Variants in CASD1 observed in about 807,000 individuals in gnomAD.
The protein encoded by CASD1 is CAS1 domain sialic acid O acetyltransferase 1.
A neutral mutation model predicts 100.0 loss-of-function variants in CASD1; 41 were observed. The ratio of observed to expected loss-of-function variants is 0.41; its 90% CI spans 0.32 to 0.53. The LOEUF is 0.53. Among genes scored for constraint, CASD1 ranks in the 20% least tolerant of loss-of-function variants. CASD1 has a pLI of 0.25. For missense variants in CASD1, 774 were observed against 948.7 expected, an observed-to-expected ratio of 0.82 and a Z score of 2.42; for synonymous variants, 321 against 315.6, an observed-to-expected ratio of 1.02 and a Z score of -0.18.
chr7:94,583,992 G>C, the CASD1 span, among the ~76,000 whole-genome samples: 1 of 152,088 alleles, frequency 6.6e-6, no homozygotes, highest in African/African-American at 2.4e-5. Context: ...TTTTCACGGG[G>C]AACTGCAGCG....
At chr7:94,555,231 G>T (rs1796146538) in intron 17 of CASD1, among the ~76,000 whole-genome samples, 1 of 151,960 alleles carries the variant, frequency 6.6e-6, no homozygotes, top group Admixed American at 6.6e-5. Flanking sequence ...TTAAAATAGG[G>T]AAAATAAATT....
rs78187752 is a variant in CASD1 at position 94,529,703 on chromosome 7, A to G, written c.459+1453A>G. ...AGTCTCAGCCCTCAAGGAATTTGCA[A>G]TCTAGTAGATGGTGAATTACTGATG... On this transcript the variant is annotated intron_variant, in intron 5 of 17. Transcript: ENST00000297273. 3.9e-4 allele frequency among the ~76,000 whole-genome samples: 59 copies of G among 152,306 alleles called. 1 individual carries two copies. In the East Asian group the frequency reaches 0.01, roughly 26 times the overall value.
At chr7:94,514,271 G>T (rs1793864818) in intron 1 of CASD1, among the ~76,000 whole-genome samples, 2 of 152,056 alleles carry the variant, frequency 1.3e-5, no homozygotes, top group South Asian at 4.1e-4. Flanking sequence ...CTGTTAGAAA[G>T]ATCCTGATCT....
intron 1 of CASD1, among the ~76,000 whole-genome samples, chr7:94,515,853 T>G (rs780684887): frequency 2.0e-5 from 3 of 152,168 alleles, no homozygotes; most frequent in Non-Finnish European, 4.4e-5. Flanking sequence ...AACTTTTAAC[T>G]TGGTTTAATA....
chr7:94,613,237 C>G, the CASD1 span, among the ~76,000 whole-genome samples: 1 of 152,164 alleles, frequency 6.6e-6, no homozygotes, highest in Non-Finnish European at 1.5e-5. Flanking sequence ...TTTGAACACA[C>G]TGGCTTTTAA....
chr7:94,523,856 A>G (rs1366427223), intron 3 of CASD1, among the ~76,000 whole-genome samples: 1 of 152,216 alleles, frequency 6.6e-6, no homozygotes. Flanking sequence ...CAAAGAAACC[A>G]TTAGAATAGA....
rs778912322 is a variant in CASD1, at chr7:94,551,438, T to C, written c.1916T>C (p.Ile639Thr). 5.2e-6 allele frequency: 8 copies of C among 1,531,780 alleles called. No individual in the cohort carries two copies. The highest frequency in any genetic ancestry group is 2.6e-5 in the South Asian group (2 of 75,722). The allele number at this position is 1,531,780 out of a possible 1,614,324, so 94.9% of individuals were successfully genotyped here. The change falls in exon 15 of 18, where the codon ATT (isoleucine) becomes ACT (threonine). Residue 639 changes from isoleucine (I) to threonine (T), a missense_variant. Ile to Thr is a moderately conservative substitution (Grantham distance 89). Transcript: ENST00000297273. Reference protein sequence around the residue: ...GKGEPLFSNKISNFLLFISVV... With the variant: ...GKGEPLFSNKTSNFLLFISVV... ...GGTGAACCTCTTTTTTCAAACAAAATTTCAAATTTTCTGTTGTTTATTTCA... is the reference window on the plus strand; with the variant it reads ...GGTGAACCTCTTTTTTCAAACAAAACTTCAAATTTTCTGTTGTTTATTTCA...
chr7:94,629,244 A>C, the CASD1 span: 1 of 154,576 alleles, frequency 6.5e-6, no homozygotes, highest in Non-Finnish European at 1.4e-5. Context: ...AATTGGTATC[A>C]CTTAAAAGGA....
At chr7:94,527,254 T>C (rs1198801284) in intron 4 of CASD1, 48 bp downstream of exon 4, 5 of 1,328,148 alleles carry the variant, frequency 3.8e-6, no homozygotes, top group Non-Finnish European at 5.4e-6. Context: ...TGAAACTATA[T>C]TCATTGGTTA....
At chr7:94,627,048 A>G in the CASD1 span, 1 of 152,066 alleles carries the variant, frequency 6.6e-6, no homozygotes, top group Admixed American at 6.6e-5. Context: ...ATTTGACAAT[A>G]GCTCAAACTA....
chr7:94,608,079 C>A, the CASD1 span, among the ~76,000 whole-genome samples: 5 of 152,180 alleles, frequency 3.3e-5, no homozygotes, highest in Non-Finnish European at 2.9e-5. Context: ...TGTGATGGCT[C>A]ACACCTGTAA....
chr7:94,585,456 A>G, the CASD1 span: 5 of 1,571,986 alleles, frequency 3.2e-6, no homozygotes, highest in Non-Finnish European at 3.5e-6. Flanking sequence ...TAACTGCTAT[A>G]TTGTCTGATT....
chr7:94,625,144 C>A, the CASD1 span: 1 of 151,816 alleles, frequency 6.6e-6, no homozygotes, highest in Non-Finnish European at 1.5e-5. Flanking sequence ...TAAAACAGAG[C>A]TGATCTATTT....
At chr7:94,626,456 T>C in the CASD1 span, 2 of 152,020 alleles carry the variant, frequency 1.3e-5, no homozygotes, top group Non-Finnish European at 2.9e-5. Flanking sequence ...TATATTCTGT[T>C]AGATTTATTC....
intron 5 of CASD1, among the ~76,000 whole-genome samples, chr7:94,530,125 A>G (rs757987790): frequency 3.9e-5 from 6 of 152,196 alleles, no homozygotes; most frequent in Non-Finnish European, 8.8e-5. Flanking sequence ...GGAAATGTAA[A>G]GGGCACAGCA....
chr7:94,510,041 C>T lies in CASD1; in HGVS notation c.-44C>T, dbSNP rs1584363218. 2.0e-6 allele frequency: 3 copies of T among 1,469,234 alleles called. No individual in the cohort carries two copies. The highest frequency in any genetic ancestry group is 2.3e-5 in the Admixed American group (1 of 44,346). 91.0% of individuals were successfully genotyped at this position (1,469,234 alleles called of 1,614,324 possible). ...CCCCAGTGCTGCCCCTGTGCGGCGC[C>T]CCTTTCCCGCTCCGCCGCGCACTGT... On this transcript the variant is annotated 5_prime_UTR_variant, in exon 1 of 18. Transcript: ENST00000297273.
In CASD1 at chr7:94,550,767, T is replaced by C. The variant is rs561593603; in HGVS notation, c.1816-571T>C. Among the ~76,000 whole-genome samples, 47 of 152,180 alleles carry C rather than the reference T, an allele frequency of 3.1e-4. No individual in the cohort carries two copies. The South Asian group carries it at 9.5e-3, about 31-fold the overall frequency. The stretch of plus-strand genomic sequence containing the variant: ...GGCTTTACCTCCAAAACTGTCACAC[T>C]GGGGATTAACATGATTCAACTTACG... On this transcript the variant is annotated intron_variant, in intron 14 of 17. Coordinates refer to ENST00000297273, the MANE Select transcript of CASD1 (RefSeq NM_022900.5).
chr7:94,569,473 A>T, the CASD1 span, among the ~76,000 whole-genome samples: 1 of 152,186 alleles, frequency 6.6e-6, no homozygotes, highest in Non-Finnish European at 1.5e-5. Flanking sequence ...TGTTTTTAAA[A>T]AGACAGGGTC....
At chr7:94,616,272 T>C in the CASD1 span, among the ~76,000 whole-genome samples, 4 of 152,124 alleles carry the variant, frequency 2.6e-5, no homozygotes, top group Non-Finnish European at 5.9e-5. Flanking sequence ...TGACTATACA[T>C]ATGAAATATG....
Sources: gnomAD v4.1 joint callset for allele counts (sites outside exome capture counted in the v4.1 genomes callset) on GRCh38, gnomAD v4.1.1 for gene constraint, MANE v1.5 for transcripts, NCBI Gene and HGNC (gene_info 2026-07-23, HGNC 2026-07-21) for gene names.